Variants in UNC5C observed in about 807,000 individuals in gnomAD.
UNC5C encodes the protein unc-5 netrin receptor C.
In UNC5C, 47 loss-of-function variants were observed where a neutral mutation model predicts 99.8. That is an observed-to-expected ratio of 0.47 (90% CI 0.37 to 0.60). The LOEUF (loss-of-function observed/expected upper bound fraction) is 0.60, where lower values mean the gene tolerates loss of function less well. UNC5C is among the 20% of genes least tolerant of loss of function. The pLI is 0.00. For missense variants in UNC5C, 1,062 were observed against 1,165.9 expected, an observed-to-expected ratio of 0.91 and a Z score of 1.30; for synonymous variants, 487 against 452.2, an observed-to-expected ratio of 1.08 and a Z score of -0.98.
chr4:95,171,204 ATC>A (rs973053512), intron 14 of UNC5C, among the ~76,000 whole-genome samples: 1 of 151,712 alleles, frequency 6.6e-6, no homozygotes, highest in Non-Finnish European at 1.5e-5. Flanking sequence ...TATAAATGCC[ATC>A]TCTCTCTATT....
intron 1 of UNC5C, among the ~76,000 whole-genome samples, chr4:95,429,455 TTAACTA>T (rs1746575419): frequency 6.6e-6 from 1 of 152,040 alleles, no homozygotes; most frequent in Non-Finnish European, 1.5e-5. Flanking sequence ...GATCAAGAAA[TTAACTA>T]TAAGAAAATA....
intron 1 of UNC5C, among the ~76,000 whole-genome samples, chr4:95,518,797 C>T (rs886735220): frequency 6.6e-6 from 1 of 152,154 alleles, no homozygotes; most frequent in Non-Finnish European, 1.5e-5. Flanking sequence ...GAAGAGGTTG[C>T]TCTCCAAAGA....
chr4:95,342,776 C>T (rs1743625453), intron 1 of UNC5C, among the ~76,000 whole-genome samples: 1 of 151,040 alleles, frequency 6.6e-6, no homozygotes, highest in Admixed American at 6.6e-5. Flanking sequence ...CTGAAACTGC[C>T]CTGGGCCAAA....
At chr4:95,294,213 G>T (rs1477063877) in intron 3 of UNC5C, among the ~76,000 whole-genome samples, 1 of 152,132 alleles carries the variant, frequency 6.6e-6, no homozygotes, top group East Asian at 1.9e-4. Flanking sequence ...TTTGTGGCTG[G>T]CATATTTCTA....
chr4:95,330,176 C>T (rs867451639), intron 2 of UNC5C, among the ~76,000 whole-genome samples: 3 of 151,912 alleles, frequency 2.0e-5, no homozygotes, highest in Non-Finnish European at 2.9e-5. Context: ...TTAATCTGTA[C>T]GTTTTGTCCT....
At chr4:95,547,286 T>C (rs1411405139) in intron 1 of UNC5C, among the ~76,000 whole-genome samples, 1 of 152,108 alleles carries the variant, frequency 6.6e-6, no homozygotes, top group African/African-American at 2.4e-5. Context: ...CAGGAAAATT[T>C]ACTTCCGAAG....
chr4:95,248,824 A>G (rs1739592512), intron 5 of UNC5C, among the ~76,000 whole-genome samples: 1 of 152,142 alleles, frequency 6.6e-6, no homozygotes, highest in Non-Finnish European at 1.5e-5. Flanking sequence ...GTGGTGTATT[A>G]CTTTACTTTT....
chr4:95,304,654 T>G (rs1184734418), intron 2 of UNC5C, among the ~76,000 whole-genome samples: 1 of 152,202 alleles, frequency 6.6e-6, no homozygotes, highest in Admixed American at 6.5e-5. Context: ...ATGGGGAAAT[T>G]CAGTTACTGG....
At chr4:95,443,548 G>A (rs1426996322) in intron 1 of UNC5C, among the ~76,000 whole-genome samples, 4 of 152,150 alleles carry the variant, frequency 2.6e-5, no homozygotes, top group East Asian at 1.9e-4. Flanking sequence ...GGATGCAGAG[G>A]AATCTAGGAC....
intron 12 of UNC5C, among the ~76,000 whole-genome samples, chr4:95,201,018 C>T (rs1373646015): frequency 6.6e-6 from 1 of 152,182 alleles, no homozygotes; most frequent in Non-Finnish European, 1.5e-5. Flanking sequence ...CTCCCCAGCT[C>T]TCCACCACGT....
At chr4:95,212,285 C>A (rs1738098815) in intron 10 of UNC5C, among the ~76,000 whole-genome samples, 2 of 151,926 alleles carry the variant, frequency 1.3e-5, no homozygotes, top group South Asian at 4.1e-4. Context: ...ATCTAATAAT[C>A]TTTTTGTTGT....
chr4:95,339,368 T>C (rs768013258), intron 1 of UNC5C, among the ~76,000 whole-genome samples: 89 of 152,088 alleles, frequency 5.9e-4, no homozygotes, highest in Non-Finnish European at 1.1e-3. Context: ...GCTGAACCCA[T>C]GGGGATAAGA....
At chr4:95,190,319 A>G (rs1233775058) in intron 12 of UNC5C, among the ~76,000 whole-genome samples, 1 of 145,024 alleles carries the variant, frequency 6.9e-6, no homozygotes, top group Non-Finnish European at 1.5e-5. Context: ...GAAGGGGAAC[A>G]TCACACACCG....
chr4:95,243,672 T>C (rs1271598476), intron 6 of UNC5C, among the ~76,000 whole-genome samples: 1 of 152,200 alleles, frequency 6.6e-6, no homozygotes, highest in Non-Finnish European at 1.5e-5. Context: ...ATTATGTAAA[T>C]ATATTGTGTA....
intron 14 of UNC5C, among the ~76,000 whole-genome samples, chr4:95,172,420 G>T (rs1736159046): frequency 6.6e-6 from 1 of 152,000 alleles, no homozygotes; most frequent in African/African-American, 2.4e-5. Context: ...TTTTGTATAA[G>T]GTGTAAGGAA....
chr4:95,226,495 TA>T (rs1738695266), intron 7 of UNC5C, among the ~76,000 whole-genome samples: 1 of 152,188 alleles, frequency 6.6e-6, no homozygotes. Flanking sequence ...GCTGGGTCCT[TA>T]AGGGATTTTA....
At chr4:95,310,339 TAGAC>T (rs1206087914) in intron 2 of UNC5C, among the ~76,000 whole-genome samples, 8 of 152,028 alleles carry the variant, frequency 5.3e-5, no homozygotes, top group African/African-American at 1.9e-4. Flanking sequence ...AAATTTCAGT[TAGAC>T]AGGGAGAGTA....
chr4:95,336,610 G>T (rs948139808), intron 1 of UNC5C, among the ~76,000 whole-genome samples: 2 of 151,818 alleles, frequency 1.3e-5, no homozygotes, highest in Non-Finnish European at 2.9e-5. Flanking sequence ...TTGGTATAGT[G>T]GACATCTGTC....
chr4:95,404,519 T>C (rs1042611523), intron 1 of UNC5C, among the ~76,000 whole-genome samples: 1 of 152,194 alleles, frequency 6.6e-6, no homozygotes, highest in Admixed American at 6.5e-5. Flanking sequence ...ACTATTCAAC[T>C]GTATAATAAT....
Sources: gnomAD v4.1 joint callset for allele counts (sites outside exome capture counted in the v4.1 genomes callset) on GRCh38, gnomAD v4.1.1 for gene constraint, MANE v1.5 for transcripts, NCBI Gene and HGNC (gene_info 2026-07-23, HGNC 2026-07-21) for gene names.